Variants in CFAP65 observed in about 807,000 individuals in gnomAD.
CFAP65 encodes the protein cilia and flagella associated protein 65.
A neutral mutation model predicts 208.0 loss-of-function variants in CFAP65; 155 were observed. That is an observed-to-expected ratio of 0.75 (90% CI 0.65 to 0.85). The LOEUF (loss-of-function observed/expected upper bound fraction) is 0.85. CFAP65 is among the 40% of genes least tolerant of loss of function. The pLI, the probability that CFAP65 is intolerant of heterozygous loss-of-function variation, is 0.00. For synonymous variants in CFAP65, 970 were observed against 986.3 expected (o/e 0.98, Z 0.31); for missense variants, 2,294 against 2,451.3 (o/e 0.94, Z 1.36).
intron 13 of CFAP65, 64 bp downstream of exon 13, chr2:219,027,586 C>T (rs1378541075): frequency 2.5e-6 from 4 of 1,613,156 alleles, no homozygotes; most frequent in Non-Finnish European, 3.4e-6. Context: ...TCCTGCCACC[C>T]CACCAAGCCA....
chr2:219,007,526 A>T (rs138544255), intron 29 of CFAP65, among the ~76,000 whole-genome samples: 7 of 152,112 alleles, frequency 4.6e-5, no homozygotes, highest in Non-Finnish European at 8.8e-5. Context: ...TTCAGAGGGG[A>T]GCAGTGAGTC....
chr2:219,006,341 A>C, intron 30 of CFAP65, 118 bp from the exon 31 acceptor site: 1 of 1,472,176 alleles, frequency 6.8e-7, no homozygotes. Context: ...GTGTGACCCC[A>C]CTCATTGGCA....
chr2:219,038,707 C>T, intron 3 of CFAP65, 129 bp from the exon 4 acceptor site: 1 of 1,119,056 alleles, frequency 8.9e-7, no homozygotes, highest in Admixed American at 1.9e-5. Flanking sequence ...ACAGGTGCTA[C>T]CTGGCACCAT....
intron 3 of CFAP65, 157 bp from the exon 4 acceptor site, chr2:219,038,735 A>C: frequency 9.1e-7 from 1 of 1,101,756 alleles, no homozygotes; most frequent in Non-Finnish European, 1.3e-6. Flanking sequence ...GAGGCTGTAC[A>C]CGAGATCCAG....
At chr2:219,018,862 G>C in intron 21 of CFAP65, 189 bp downstream of exon 21, 2 of 710,044 alleles carry the variant, frequency 2.8e-6, no homozygotes, top group East Asian at 2.6e-5. Context: ...TGTCTCAGCC[G>C]GTGACAGGCC....
Position 219,011,001 on chromosome 2 carries a change from AG to A in CFAP65, c.3958-6del. ...ACCATTATACAGCTCATAAATCTGC[AG>A]GGGGCAGGAATAGGAAAATTGCCAC... On this transcript the variant is annotated splice_region_variant and splice_polypyrimidine_tract_variant and intron_variant, in intron 24 of 34. Coordinates refer to ENST00000341552, the MANE Select transcript of CFAP65 (RefSeq NM_194302.4). 6.3e-7 allele frequency: 1 copy of A among 1,595,394 alleles called. No individual in the cohort carries two copies.
In CFAP65 at chr2:219,004,341, T is replaced by C; in HGVS notation, c.5166A>G (p.Lys1722=). Residue 1722 remains lysine (K), a synonymous_variant, in exon 33 of 35, where the codon AAA becomes AAG. Coordinates refer to ENST00000341552, the MANE Select transcript of CFAP65 (RefSeq NM_194302.4). This position sits in a 1 kb window ranked among gnomAD's most constrained non-coding sequence, Gnocchi z 4.7. ...GGATTGGCATTAAGTACAGGCTGTT[T>C]TTCTGGTCCATGAACTTAGTTGACT... ...NEQSTKFMDQ[K]NSLYLMPILP... The C allele has an allele frequency of 1.2e-6, 2 of 1,614,168 alleles. No homozygotes were observed. The highest frequency in any genetic ancestry group is 1.7e-6 in the Non-Finnish European group (2 of 1,180,036).
rs1368418832 is a variant in CFAP65, at chr2:219,032,047, G to T, written c.646-389C>A. Among the ~76,000 whole-genome samples the T allele has an allele frequency of 6.6e-6, 1 of 151,166 alleles. No individual in the cohort carries two copies. The highest frequency in any genetic ancestry group is 1.5e-5 in the Non-Finnish European group (1 of 67,864). ...TGATTCTGCTGCCTCAGCCTCCCAA[G>T]TAGCTGGGACTACAGGCATGTGCCA... On this transcript the variant is annotated intron_variant, in intron 6 of 34. Transcript: ENST00000341552. The surrounding 1 kb of genome is among the most constrained non-coding windows in gnomAD (Gnocchi z 5.5).
Position 219,038,595 on chromosome 2 carries a change from G to A in CFAP65, c.154-17C>T, listed in dbSNP as rs1198436098. 1 of 1,603,148 alleles carries A rather than the reference G, an allele frequency of 6.2e-7. No individual in the cohort carries two copies. ...AGTATGGAGCTGGGAAGAGAGCAGA[G>A]GGGAGAGGAGACAGGAGTGACATGA... On this transcript the variant is annotated splice_polypyrimidine_tract_variant and intron_variant, in intron 3 of 34. Transcript: ENST00000341552.
chr2:219,011,092 T>C, intron 24 of CFAP65, 96 bp from the exon 25 acceptor site: 1 of 1,142,594 alleles, frequency 8.8e-7, no homozygotes, highest in Non-Finnish European at 1.2e-6. Context: ...GGCAGGCTGA[T>C]CTCCATGATG....
chr2:219,023,989 C>A, intron 15 of CFAP65, 26 bp downstream of exon 15: 2 of 1,605,102 alleles, frequency 1.2e-6, no homozygotes, highest in Non-Finnish European at 8.5e-7. Context: ...TCCCAAGGAC[C>A]CAGGTCCCCT....
Position 219,019,088 on chromosome 2 carries a change from G to A in CFAP65, c.3565C>T (p.Leu1189=), listed in dbSNP as rs1267788604. The change falls in exon 21 of 35, where the codon CTG becomes TTG. Residue 1189 remains leucine (L), a synonymous_variant. Coordinates refer to ENST00000341552, the MANE Select transcript of CFAP65 (RefSeq NM_194302.4). ...PFKAPPSVVF[L]ALKNSGVVSL... is the part of the protein sequence containing the mutation. ...ACCACTCCGCTGTTCTTCAGGGCCA[G>A]GAATACCACGGAAGGTGGGGCCTTG... The A allele has an allele frequency of 1.2e-6, 2 of 1,614,136 alleles. No homozygotes were observed. Among genetic ancestry groups the A allele is most frequent in the African/African-American group, 2.7e-5 (2 of 74,958 alleles).
Position 219,022,249 on chromosome 2 carries a change from C to T in CFAP65, c.2901G>A (p.Leu967=). 4 of 1,606,658 alleles carry T rather than the reference C, an allele frequency of 2.5e-6. No homozygotes were observed. The highest frequency in any genetic ancestry group is 3.4e-6 in the Non-Finnish European group (4 of 1,176,852). Residue 967 remains leucine, a synonymous_variant, in exon 17 of 35, where the codon CTG becomes CTA. Coordinates refer to ENST00000341552, the MANE Select transcript of CFAP65 (RefSeq NM_194302.4). The part of the protein sequence containing the change: ...QVGMWVWEAG[L]SPNANPAATT... ...TGGCAGCGGGGTTGGCATTTGGGGA[C>T]AGGCCGGCTTCCCAGACCCACATCC...
At chr2:219,041,125 A>C (rs1222782769) in intron 1 of CFAP65, among the ~76,000 whole-genome samples, 1 of 152,184 alleles carries the variant, frequency 6.6e-6, no homozygotes, top group African/African-American at 2.4e-5. Context: ...GAAGTTTCCA[A>C]TTTCGAGGAC....
chr2:219,002,876 C>A lies in CFAP65; in HGVS notation c.*61G>T, dbSNP rs1945669164. On this transcript the variant is annotated 3_prime_UTR_variant, in exon 35 of 35. Transcript: ENST00000341552. This position sits in a 1 kb window ranked among gnomAD's most constrained non-coding sequence, Gnocchi z 7.9. ...AAAAAAGACTAGATGCTTTTACTGG[C>A]GGTGGAGAGGGGGCCAGGCGTGACC... 2.2e-6 allele frequency: 3 copies of A among 1,380,184 alleles called. No homozygotes were observed. The highest frequency in any genetic ancestry group is 2.5e-5 in the South Asian group (2 of 80,722). The allele number at this position is 1,380,184 out of a possible 1,614,324, so 85.5% of individuals were successfully genotyped here.
intron 17 of CFAP65, 96 bp from the exon 18 acceptor site, chr2:219,022,026 G>A: frequency 6.4e-7 from 1 of 1,557,020 alleles, no homozygotes; most frequent in South Asian, 1.2e-5. Context: ...CCAAGGAAGG[G>A]CAAGTTTGGG....
intron 23 of CFAP65, 21 bp from the exon 24 acceptor site, chr2:219,013,390 G>C (rs371399931): frequency 4.4e-6 from 7 of 1,586,920 alleles, no homozygotes; most frequent in Non-Finnish European, 6.0e-6. Flanking sequence ...AAGTTCCCCC[G>C]GAGGAACTGA....
chr2:219,040,872 A>G (rs148777120), intron 1 of CFAP65, among the ~76,000 whole-genome samples: 1 of 152,330 alleles, frequency 6.6e-6, no homozygotes, highest in East Asian at 1.9e-4. Flanking sequence ...CATCTCCCGG[A>G]GCCTCAGCCT....
intron 16 of CFAP65, among the ~76,000 whole-genome samples, chr2:219,022,887 C>T (rs1317792325): frequency 6.6e-6 from 1 of 152,232 alleles, no homozygotes; most frequent in East Asian, 1.9e-4. Flanking sequence ...CCCACCCTCC[C>T]AATGACCTCC....
Sources: gnomAD v4.1 joint callset for allele counts (sites outside exome capture counted in the v4.1 genomes callset) on GRCh38, gnomAD v4.1.1 for gene constraint, Gnocchi (gnomAD v3.1) non-coding constraint, MANE v1.5 for transcripts, NCBI Gene and HGNC (gene_info 2026-07-23, HGNC 2026-07-21) for gene names.